IFRD1: variants seen among roughly 807,000 people sequenced by gnomAD.
IFRD1 encodes interferon-related developmental regulator 1.
A neutral mutation model predicts 52.9 loss-of-function variants in IFRD1; 35 were observed. The ratio of observed to expected loss-of-function variants is 0.66; its 90% CI spans 0.51 to 0.88. The LOEUF is 0.88. IFRD1 is among the 40% of genes least tolerant of loss of function. IFRD1 has a pLI of 0.00. For synonymous variants in IFRD1, 184 were observed against 188.4 expected (o/e 0.98, Z 0.19); for missense variants, 517 against 550.8 (o/e 0.94, Z 0.61).
At chr7:112,450,020 T>G (rs1795111381), upstream of IFRD1, 1 of 153,200 alleles carries the variant, frequency 6.5e-6, no homozygotes, top group African/African-American at 2.4e-5. Flanking sequence ...AACACCAGCC[T>G]CCGGAGAAAG....
At chr7:112,446,257 T>C (rs920528631), upstream of IFRD1, 3 of 214,028 alleles carry the variant, frequency 1.4e-5, no homozygotes, top group East Asian at 3.4e-4. Context: ...ACCACATTCA[T>C]CTGAAGAGCA....
chr7:112,462,111 C>T lies in IFRD1; in HGVS notation c.729C>T (p.Ser243=), dbSNP rs1315458708. ...CSTPNTVLHI[S]SLLAWTLLLT... ...CTCCTAATACAGTGCTTCATATCAG[C>T]TCTCTTCTTGCATGGACACTACTGC... is the stretch of plus-strand genomic sequence containing the variant. Residue 243 remains serine, a synonymous_variant, in exon 7 of 12, where the codon AGC becomes AGT. Transcript: ENST00000403825. The T allele has an allele frequency of 1.2e-6, 2 of 1,613,636 alleles. No individual in the cohort carries two copies. Among genetic ancestry groups the T allele is most frequent in the Admixed American group, 3.3e-5 (2 of 59,928 alleles).
intron 1 of IFRD1, among the ~76,000 whole-genome samples, chr7:112,427,019 C>A (rs1407977378): frequency 6.6e-6 from 1 of 152,198 alleles, no homozygotes; most frequent in East Asian, 1.9e-4. Context: ...ACCCCAATCA[C>A]TTTGGGCACA....
chr7:112,462,182 A>G lies in IFRD1; in HGVS notation c.797+3A>G, dbSNP rs1016464206. 2.4e-5 allele frequency: 39 copies of G among 1,613,344 alleles called. No individual in the cohort carries two copies. Among genetic ancestry groups the G allele is most frequent in the Non-Finnish European group, 3.1e-5 (36 of 1,179,592 alleles). On this transcript the variant is annotated splice_donor_region_variant and intron_variant, in intron 7 of 11. Transcript: ENST00000403825. ...GAAGTGAAGAAAAAGCTTGAGATGT[A>G]TGTATTTTTAGTTTCATATTTTATA... is the stretch of plus-strand genomic sequence containing the variant.
chr7:112,432,183 G>A (rs982696752), intron 1 of IFRD1, among the ~76,000 whole-genome samples: 14 of 152,126 alleles, frequency 9.2e-5, no homozygotes, highest in African/African-American at 2.9e-4. Context: ...ATCAGTTATT[G>A]TGGCCTACTG....
intron 1 of IFRD1, among the ~76,000 whole-genome samples, chr7:112,431,672 T>G (rs1020230569): frequency 6.6e-6 from 1 of 152,218 alleles, no homozygotes; most frequent in Non-Finnish European, 1.5e-5. Context: ...ACTATCTGCA[T>G]TGATGACCAA....
chr7:112,450,449 T>C, upstream of IFRD1: 2 of 561,300 alleles, frequency 3.6e-6, no homozygotes, highest in Non-Finnish European at 6.4e-6. Flanking sequence ...CGTCGTGGCC[T>C]CCCCTGCCCC....
chr7:112,470,015 G>A (rs895932088), intron 9 of IFRD1, among the ~76,000 whole-genome samples: 3 of 151,052 alleles, frequency 2.0e-5, no homozygotes, highest in African/African-American at 7.3e-5. Flanking sequence ...GTCTTTAAAT[G>A]AAGGTTGCTC....
intron 8 of IFRD1, among the ~76,000 whole-genome samples, chr7:112,466,742 A>G (rs1416233975): frequency 2.0e-5 from 3 of 152,176 alleles, no homozygotes; most frequent in African/African-American, 7.2e-5. Context: ...ATATACACAC[A>G]TATATATGTT....
chr7:112,443,636 T>C (rs998217379), intron 1 of IFRD1, among the ~76,000 whole-genome samples: 1 of 149,986 alleles, frequency 6.7e-6, no homozygotes. Flanking sequence ...CTTTGGGAGG[T>C]CGAGGTGTGT....
rs142370676 is a variant in IFRD1, at chr7:112,432,917, A to G, written c.-182+9485A>G. Among the ~76,000 whole-genome samples, 329 of 152,370 alleles carry G rather than the reference A, an allele frequency of 2.2e-3. 1 individual carries two copies. The highest frequency in any genetic ancestry group is 7.4e-3 in the African/African-American group (308 of 41,586). ...CTAAGGAGTCTTTGAAAACAGAGTG[A>G]AAACACAATATAAATAGAAGTTAGG... On this transcript the variant is annotated intron_variant, in intron 1 of 12. Coordinates refer to the IFRD1 transcript ENST00000005558.
rs756796129 is a variant in IFRD1, at chr7:112,456,914, T to G, written c.285T>G (p.Ser95Arg). The G allele has an allele frequency of 6.2e-7, 1 of 1,613,694 alleles. No homozygotes were observed. Among genetic ancestry groups the G allele is most frequent in the South Asian group, 1.1e-5 (1 of 91,078 alleles). ...KGLIDLTLDK[S>R]AKTRQAALEG... ...TTCTCTTACATTGGGTGTTAAATAG[T>G]GCGAAGACAAGGCAAGCAGCTCTTG... is the stretch of plus-strand genomic sequence containing the variant. Residue 95 changes from serine (S) to arginine (R), a missense_variant and splice_region_variant, in exon 4 of 12, where the codon AGT (serine) becomes AGG (arginine). Transcript: ENST00000403825.
At chr7:112,431,896 C>T (rs933871422) in intron 1 of IFRD1, among the ~76,000 whole-genome samples, 1 of 152,238 alleles carries the variant, frequency 6.6e-6, no homozygotes, top group Non-Finnish European at 1.5e-5. Context: ...TATAGATGTA[C>T]TTGTTCATAA....
chr7:112,441,975 T>A (rs896573767), intron 1 of IFRD1, among the ~76,000 whole-genome samples: 7 of 152,214 alleles, frequency 4.6e-5, no homozygotes, highest in Admixed American at 1.3e-4. Context: ...AAGAAAAAAA[T>A]GGATAAATAT....
Position 112,443,862 on chromosome 7 carries a change from CA to C in IFRD1, c.-181-6631del, listed in dbSNP as rs34476872. Reference sequence around the variant, plus strand: ...GGGTGACAAGAGTGAAACTCTGTTTCAAAAAAAAAAAAAAACCCAAAAAACA... The same window carrying C: ...GGGTGACAAGAGTGAAACTCTGTTTCAAAAAAAAAAAAAACCCAAAAAACA... On this transcript the variant is annotated intron_variant, in intron 1 of 12. Coordinates refer to the IFRD1 transcript ENST00000005558. Among the ~76,000 whole-genome samples the C allele has an allele frequency of 3.6e-3, 368 of 103,578 alleles. 1 individual carries two copies. The highest frequency in any genetic ancestry group is 0.024 in the Middle Eastern group (5 of 212). 68.0% of individuals were successfully genotyped at this position (103,578 alleles called of 152,430 possible). A position where few individuals can be genotyped will look rare whatever the true frequency, so the allele number is the denominator to read the frequency against.
intron 1 of IFRD1, among the ~76,000 whole-genome samples, chr7:112,451,728 C>G (rs895794306): frequency 1.3e-5 from 2 of 152,104 alleles, no homozygotes; most frequent in African/African-American, 4.8e-5. Flanking sequence ...CCAATAAACT[C>G]AAATCGAGTA....
Position 112,472,781 on chromosome 7 carries a change from C to G in IFRD1, c.1186C>G (p.Arg396Gly), listed in dbSNP as rs1584504107. ...TTCACATAAGTCAAATGAATTCCTTCGAAATGTATTTGAACTTGGACCCCC... is the reference window on the plus strand; with the variant it reads ...TTCACATAAGTCAAATGAATTCCTTGGAAATGTATTTGAACTTGGACCCCC... ...QYHLQSNEFL[R>G]NVFELGPPVM... is the part of the protein sequence containing the mutation. Residue 396 changes from arginine (R) to glycine (G), a missense_variant, in exon 11 of 12, where the codon CGA becomes GGA. Coordinates refer to ENST00000403825, the MANE Select transcript of IFRD1 (RefSeq NM_001550.4). 2 of 1,607,956 alleles carry G rather than the reference C, an allele frequency of 1.2e-6. No homozygotes were observed. The highest frequency in any genetic ancestry group is 1.7e-5 in the Admixed American group (1 of 59,984).
chr7:112,438,206 G>A (rs1010206303), intron 1 of IFRD1, among the ~76,000 whole-genome samples: 18 of 152,158 alleles, frequency 1.2e-4, no homozygotes, highest in Non-Finnish European at 1.9e-4. Context: ...ATCTCTCTAA[G>A]TGTTAAATCA....
At chr7:112,444,852 C>T (rs541891305) in intron 1 of IFRD1, among the ~76,000 whole-genome samples, 26 of 152,200 alleles carry the variant, frequency 1.7e-4, no homozygotes, top group African/African-American at 6.0e-4. Flanking sequence ...GCTATGCTCA[C>T]TACCTAGGTG....
Sources: allele counts gnomAD v4.1 joint callset (sites outside exome capture counted in the v4.1 genomes callset), GRCh38; gene constraint gnomAD v4.1.1; transcripts MANE v1.5; gene names NCBI Gene and HGNC (gene_info 2026-07-23, HGNC 2026-07-21).